NCOA3: variants seen among roughly 807,000 people sequenced by gnomAD.
NCOA3 encodes the protein CBP-interacting protein.
Under a neutral mutation model 158.8 loss-of-function variants are expected in NCOA3, and 51 were observed. The ratio of observed to expected loss-of-function variants is 0.32; its 90% CI spans 0.26 to 0.41. The LOEUF is 0.41. Among genes scored for constraint, NCOA3 ranks in the 10% least tolerant of loss-of-function variants. The pLI is 1.00. For missense variants in NCOA3, 1,510 were observed against 1,746.6 expected, an observed-to-expected ratio of 0.86 and a Z score of 2.41; for synonymous variants, 537 against 592.4, an observed-to-expected ratio of 0.91 and a Z score of 1.36.
chr20:47,638,831 G>A (rs1234873266), intron 13 of NCOA3, among the ~76,000 whole-genome samples, 177 bp from the exon 14 acceptor site: 1 of 151,306 alleles, frequency 6.6e-6, no homozygotes, highest in African/African-American at 2.4e-5. Context: ...TGGCAGGGGG[G>A]CGGGGGGTGG....
chr20:47,547,868 A>G (rs950251830), intron 1 of NCOA3, among the ~76,000 whole-genome samples: 2 of 151,856 alleles, frequency 1.3e-5, no homozygotes, highest in Admixed American at 6.6e-5. Context: ...GGCGCCTGCC[A>G]CCACCCCCTG....
chr20:47,637,490 G>T (rs578210143), intron 12 of NCOA3, among the ~76,000 whole-genome samples, 158 bp from the exon 13 acceptor site: 3 of 152,146 alleles, frequency 2.0e-5, no homozygotes, highest in African/African-American at 7.2e-5. Flanking sequence ...TTAGAGATGG[G>T]GGTCATAATA....
At chr20:47,523,692 C>T (rs1328421257) in intron 1 of NCOA3, among the ~76,000 whole-genome samples, 1 of 152,214 alleles carries the variant, frequency 6.6e-6, no homozygotes, top group Admixed American at 6.5e-5. Context: ...CCCAAAGCAG[C>T]ATGTTTCGTT....
chr20:47,594,526 G>A (rs936642521), intron 2 of NCOA3, among the ~76,000 whole-genome samples: 5 of 151,650 alleles, frequency 3.3e-5, no homozygotes, highest in Non-Finnish European at 5.9e-5. Flanking sequence ...TTAGCCTGGC[G>A]TGTTGGCAGG....
chr20:47,593,693 T>A (rs1478240124), intron 2 of NCOA3, among the ~76,000 whole-genome samples: 1 of 152,116 alleles, frequency 6.6e-6, no homozygotes, highest in East Asian at 1.9e-4. Flanking sequence ...TTTTGTGTCA[T>A]CTTAGTTAAA....
intron 17 of NCOA3, among the ~76,000 whole-genome samples, chr20:47,645,655 A>G (rs191049554): frequency 1.4e-4 from 22 of 152,080 alleles, no homozygotes; most frequent in Non-Finnish European, 2.6e-4. Flanking sequence ...AAGTGAATGC[A>G]GGTAAGCATG....
intron 2 of NCOA3, among the ~76,000 whole-genome samples, chr20:47,606,843 T>C (rs1422094542): frequency 1.3e-5 from 2 of 152,308 alleles, no homozygotes; most frequent in African/African-American, 2.4e-5. Flanking sequence ...CATCTGACTG[T>C]ATTGGTTGAC....
chr20:47,529,207 C>T (rs1266866759), intron 1 of NCOA3, among the ~76,000 whole-genome samples: 1 of 151,446 alleles, frequency 6.6e-6, no homozygotes, highest in Non-Finnish European at 1.5e-5. Flanking sequence ...ACTGCAACCT[C>T]TACCTTTTGG....
At chr20:47,542,374 AG>A (rs1312089817) in intron 1 of NCOA3, among the ~76,000 whole-genome samples, 14 of 152,022 alleles carry the variant, frequency 9.2e-5, no homozygotes, top group Admixed American at 4.6e-4. Context: ...GATTTTGCAA[AG>A]TATGTCTTTG....
chr20:47,649,676 C>T (rs1486781479), intron 19 of NCOA3, among the ~76,000 whole-genome samples: 1 of 151,732 alleles, frequency 6.6e-6, no homozygotes, highest in Non-Finnish European at 1.5e-5. Context: ...TTTGAAATAT[C>T]GTTTATAATT....
In NCOA3 at chr20:47,561,008, C is replaced by T. The variant is rs369859318; in HGVS notation, c.-98-22175C>T. Among the ~76,000 whole-genome samples the T allele has an allele frequency of 2.9e-5, 4 of 138,922 alleles. No homozygotes were observed. The East Asian group carries it at 8.4e-4, about 29-fold the overall frequency. The allele number at this position is 138,922 out of a possible 152,430, so 91.1% of individuals were successfully genotyped here. On this transcript the variant is annotated intron_variant, in intron 1 of 22. Coordinates refer to ENST00000371998, the MANE Select transcript of NCOA3 (RefSeq NM_181659.3). Reference sequence around the variant, plus strand: ...TTTTTTTGAGATAGGGTCTCTGTCACCCGGGCTGGAGTATAGTGGTATGAT... The same window carrying T: ...TTTTTTTGAGATAGGGTCTCTGTCATCCGGGCTGGAGTATAGTGGTATGAT...
chr20:47,511,099 A>G (rs962121054), intron 1 of NCOA3, among the ~76,000 whole-genome samples: 2 of 152,092 alleles, frequency 1.3e-5, no homozygotes, highest in Admixed American at 1.3e-4. Context: ...TCAGGTACTC[A>G]TATCACTTCA....
At chr20:47,594,821 T>C (rs1266654748) in intron 2 of NCOA3, among the ~76,000 whole-genome samples, 1 of 145,746 alleles carries the variant, frequency 6.9e-6, no homozygotes, top group African/African-American at 2.6e-5. Flanking sequence ...GAGACAGTTT[T>C]GCTGTTGCCG....
At chr20:47,540,703 A>G (rs1196312240) in intron 1 of NCOA3, among the ~76,000 whole-genome samples, 2 of 152,142 alleles carry the variant, frequency 1.3e-5, no homozygotes, top group Non-Finnish European at 2.9e-5. Flanking sequence ...GTTTGGGGAG[A>G]TGAGAACTAA....
Position 47,653,437 on chromosome 20 carries a change from C to T in NCOA3, c.*20C>T. The stretch of plus-strand genomic sequence containing the variant: ...TGCTGACATCTCTGCACCAGGACCT[C>T]TTAAGGAAACCACTGTACAAATGAC... On this transcript the variant is annotated 3_prime_UTR_variant, in exon 23 of 23. Coordinates refer to ENST00000371998, the MANE Select transcript of NCOA3 (RefSeq NM_181659.3). The T allele has an allele frequency of 6.3e-7, 1 of 1,584,290 alleles. No individual in the cohort carries two copies. Among genetic ancestry groups the T allele is most frequent in the Non-Finnish European group, 8.6e-7 (1 of 1,162,340 alleles).
At chr20:47,524,510 C>G (rs2084395263) in intron 1 of NCOA3, among the ~76,000 whole-genome samples, 1 of 152,144 alleles carries the variant, frequency 6.6e-6, no homozygotes, top group Non-Finnish European at 1.5e-5. Context: ...TGGGGGAACA[C>G]CAGGGTTCTT....
chr20:47,647,212 A>G lies in NCOA3; in HGVS notation c.3392A>G (p.Gln1131Arg), dbSNP rs1236101238. Residue 1131 changes from glutamine to arginine, a missense_variant, in exon 18 of 23, where the codon CAA becomes CGA. Physicochemically the swap from Gln to Arg is conservative, Grantham distance 43. This residue lies in a region of NCOA3 where 1,017 missense variants were observed against 1,098.3 expected (regional missense o/e 0.93). Coordinates refer to ENST00000371998, the MANE Select transcript of NCOA3 (RefSeq NM_181659.3). ...CAAGGAGGCTTTCATCTTCAGGGACAATCACCATCTTTTAACTCTATGATG... is the reference window on the plus strand; with the variant it reads ...CAAGGAGGCTTTCATCTTCAGGGACGATCACCATCTTTTAACTCTATGATG... ...PMQGGFHLQG[Q>R]SPSFNSMMNQ... The G allele has an allele frequency of 1.9e-6, 3 of 1,614,082 alleles. No individual in the cohort carries two copies. The highest frequency in any genetic ancestry group is 2.2e-5 in the South Asian group (2 of 91,086).
At chr20:47,576,389 A>C (rs1323396634) in intron 1 of NCOA3, among the ~76,000 whole-genome samples, 1 of 152,204 alleles carries the variant, frequency 6.6e-6, no homozygotes, top group Non-Finnish European at 1.5e-5. Context: ...AACCTCATGG[A>C]GGAAAATCCA....
intron 1 of NCOA3, among the ~76,000 whole-genome samples, chr20:47,519,480 A>G (rs1441508604): frequency 6.6e-6 from 1 of 152,192 alleles, no homozygotes; most frequent in African/African-American, 2.4e-5. Context: ...TAATTTACCT[A>G]CATTAGATGG....
Sources: allele counts gnomAD v4.1 joint callset (sites outside exome capture counted in the v4.1 genomes callset), GRCh38; gene constraint gnomAD v4.1.1; regional missense constraint gnomAD v4.1.1; transcripts MANE v1.5; gene names NCBI Gene and HGNC (gene_info 2026-07-23, HGNC 2026-07-21).